MAGI2: variants seen among roughly 807,000 people sequenced by gnomAD.
MAGI2 encodes the protein membrane associated guanylate kinase, WW and PDZ domain containing 2, also known as membrane-associated guanylate kinase, WW and PDZ domain-containing protein 2.
A neutral mutation model predicts 133.3 loss-of-function variants in MAGI2; 35 were observed. That is an observed-to-expected ratio of 0.26 (90% CI 0.20 to 0.35). MAGI2 has a LOEUF of 0.35. MAGI2 is among the 10% of genes least tolerant of loss of function. MAGI2 has a pLI of 1.00. For missense variants in MAGI2, 1,636 were observed against 1,863.4 expected (o/e 0.88, Z 2.25); for synonymous variants, 729 against 710.6 (o/e 1.03, Z -0.41).
chr7:78,923,957 T>C (rs1349759969), intron 2 of MAGI2, among the ~76,000 whole-genome samples: 2 of 152,178 alleles, frequency 1.3e-5, no homozygotes, highest in South Asian at 2.1e-4. Flanking sequence ...TTTGAAGCAA[T>C]TGTGAGTGGG....
At chr7:79,434,247 C>T (rs1287515244) in intron 1 of MAGI2, among the ~76,000 whole-genome samples, 5 of 152,102 alleles carry the variant, frequency 3.3e-5, no homozygotes, top group Non-Finnish European at 1.5e-5. Context: ...AGTAGCCAAA[C>T]TCTCTTAGAT....
chr7:78,128,868 C>T (rs1006432327), intron 18 of MAGI2, among the ~76,000 whole-genome samples: 4 of 152,150 alleles, frequency 2.6e-5, no homozygotes, highest in South Asian at 2.1e-4. Flanking sequence ...ATTGTCCACT[C>T]GCCTACTGAG....
chr7:78,913,964 T>C (rs1798602168), intron 2 of MAGI2, among the ~76,000 whole-genome samples: 1 of 152,222 alleles, frequency 6.6e-6, no homozygotes, highest in African/African-American at 2.4e-5. Flanking sequence ...CTGCTACATG[T>C]GTATTCAAGG....
intron 21 of MAGI2, among the ~76,000 whole-genome samples, chr7:78,061,563 GA>G (rs1244313776): frequency 6.6e-6 from 1 of 152,102 alleles, no homozygotes; most frequent in East Asian, 1.9e-4. Flanking sequence ...GGAAGGTCAT[GA>G]ATACAATTTT....
intron 1 of MAGI2, among the ~76,000 whole-genome samples, chr7:79,224,454 A>G (rs915518775): frequency 7.2e-5 from 11 of 151,946 alleles, no homozygotes; most frequent in African/African-American, 2.7e-4. Flanking sequence ...ATATCACACA[A>G]TCCCAATCCT....
At chr7:78,884,903 A>G (rs1214473831) in intron 2 of MAGI2, among the ~76,000 whole-genome samples, 1 of 152,218 alleles carries the variant, frequency 6.6e-6, no homozygotes, top group East Asian at 1.9e-4. Context: ...ATAATAGCAA[A>G]TACATGGAAT....
At chr7:78,579,466 A>G (rs1407898866) in intron 3 of MAGI2, among the ~76,000 whole-genome samples, 2 of 152,152 alleles carry the variant, frequency 1.3e-5, no homozygotes, top group Non-Finnish European at 2.9e-5. Context: ...TACAAAAACA[A>G]AAGGTATCCC....
chr7:78,678,006 A>C (rs1815239607), intron 2 of MAGI2, among the ~76,000 whole-genome samples: 2 of 152,120 alleles, frequency 1.3e-5, no homozygotes, highest in African/African-American at 4.8e-5. Flanking sequence ...GAAAGGGGCA[A>C]AGGAAAAATT....
intron 1 of MAGI2, among the ~76,000 whole-genome samples, chr7:79,418,413 T>A (rs1412968579): frequency 6.6e-6 from 1 of 152,116 alleles, no homozygotes; most frequent in East Asian, 1.9e-4. Flanking sequence ...GATGTTTACA[T>A]ATACTTGCTC....
intron 1 of MAGI2, among the ~76,000 whole-genome samples, chr7:79,094,915 G>C (rs1038870839): frequency 2.0e-5 from 3 of 152,076 alleles, no homozygotes; most frequent in African/African-American, 7.2e-5. Flanking sequence ...TGATTCTTAA[G>C]GGCCCCAGAA....
rs535964942 is a variant in MAGI2, at chr7:78,297,909, G to A, written c.1409-41328C>T. The stretch of plus-strand genomic sequence containing the variant: ...TAGGTGACGAGTTAGTGGGTGCAGC[G>A]CACCAGCATGGCACATGTATACATA... On this transcript the variant is annotated intron_variant, in intron 9 of 21. Coordinates refer to ENST00000354212, the MANE Select transcript of MAGI2 (RefSeq NM_012301.4). Among the ~76,000 whole-genome samples the A allele has an allele frequency of 4.3e-3, 633 of 148,280 alleles. 5 individuals carry two copies. The highest frequency in any genetic ancestry group is 0.014 in the African/African-American group (541 of 39,748).
intron 2 of MAGI2, among the ~76,000 whole-genome samples, chr7:78,991,006 G>A (rs1456041261): frequency 8.1e-5 from 12 of 148,888 alleles, no homozygotes; most frequent in South Asian, 2.2e-4. Flanking sequence ...CCCATGTGTC[G>A]AGGGAGGGAT....
chr7:79,340,994 C>A (rs1840859570), intron 1 of MAGI2, among the ~76,000 whole-genome samples: 2 of 152,042 alleles, frequency 1.3e-5, no homozygotes, highest in South Asian at 4.1e-4. Flanking sequence ...AAGCAAACAC[C>A]TATTATAAAA....
At chr7:78,972,801 T>TA (rs893943835) in intron 2 of MAGI2, among the ~76,000 whole-genome samples, 2 of 151,912 alleles carry the variant, frequency 1.3e-5, no homozygotes, top group Non-Finnish European at 2.9e-5. Flanking sequence ...TCATTTTTCC[T>TA]AAAAAATTAT....
chr7:78,887,841 G>A (rs898479428), intron 2 of MAGI2, among the ~76,000 whole-genome samples: 1 of 152,230 alleles, frequency 6.6e-6, no homozygotes, highest in African/African-American at 2.4e-5. Flanking sequence ...TTACAACTGA[G>A]GTACCAAGTT....
At chr7:78,267,382 C>G (rs555791422) in intron 9 of MAGI2, among the ~76,000 whole-genome samples, 10 of 152,116 alleles carry the variant, frequency 6.6e-5, no homozygotes, top group Non-Finnish European at 1.3e-4. Flanking sequence ...ACGAGAGAGC[C>G]CTTCTAACTT....
chr7:78,461,392 G>A (rs1433750418), intron 6 of MAGI2, among the ~76,000 whole-genome samples: 1 of 125,042 alleles, frequency 8.0e-6, no homozygotes, highest in Non-Finnish European at 1.7e-5. Flanking sequence ...ACGTGTGTGT[G>A]CGTGTGTGTG....
At chr7:78,211,563 C>T (rs1787771273) in intron 10 of MAGI2, among the ~76,000 whole-genome samples, 1 of 152,244 alleles carries the variant, frequency 6.6e-6, no homozygotes, top group East Asian at 1.9e-4. Flanking sequence ...GATTGAGTCC[C>T]CTAACCTCTC....
intron 21 of MAGI2, among the ~76,000 whole-genome samples, chr7:78,069,925 C>T (rs368660391): frequency 6.6e-6 from 1 of 151,684 alleles, no homozygotes; most frequent in East Asian, 1.9e-4. Context: ...GGAGCTGGAA[C>T]CTTTAGGTTT....
Sources: gnomAD v4.1 joint callset for allele counts (sites outside exome capture counted in the v4.1 genomes callset) on GRCh38, gnomAD v4.1.1 for gene constraint, MANE v1.5 for transcripts, NCBI Gene and HGNC (gene_info 2026-07-23, HGNC 2026-07-21) for gene names.